Variants in PRH1 observed in about 807,000 individuals in gnomAD.
PRH1 encodes salivary acidic proline-rich phosphoprotein 1/2.
PRH1 carries 7 observed loss-of-function variants against 7.9 expected under a neutral mutation model. That is an observed-to-expected ratio of 0.89 (90% CI 0.50 to 1.67). PRH1 has a LOEUF of 1.67. Among genes scored for constraint, PRH1 ranks in the 40% most tolerant of loss-of-function variants. PRH1 has a pLI of 0.00. For missense variants in PRH1, 109 were observed against 223.6 expected (o/e 0.49, Z 3.27); for synonymous variants, 45 against 80.8 (o/e 0.56, Z 2.38).
intron 1 of PRH1, among the ~76,000 whole-genome samples, chr12:11,112,415 G>C (rs1379004363): frequency 6.6e-6 from 1 of 152,110 alleles, no homozygotes; most frequent in Non-Finnish European, 1.5e-5. Context: ...TAAAATACTG[G>C]CAAGCCAAAT....
chr12:10,884,421 G>T, upstream of PRH1: 1 of 625,064 alleles, frequency 1.6e-6, no homozygotes, highest in Non-Finnish European at 2.9e-6. Flanking sequence ...AGGAAGGGTT[G>T]GGTAGGATAT....
intron 1 of PRH1, among the ~76,000 whole-genome samples, chr12:11,005,276 T>C (rs1940774791): frequency 6.6e-6 from 1 of 152,196 alleles, no homozygotes; most frequent in Non-Finnish European, 1.5e-5. Context: ...GAGTTCTCAT[T>C]TGCTAGCATG....
In PRH1 at chr12:10,922,825, C is replaced by CTTTTTTTTTTTTTTTTTTTTTTTT. The variant is rs139253542; in HGVS notation, c.-58-38551_-58-38550insAAAAAAAAAAAAAAAAAAAAAAAA. Among the ~76,000 whole-genome samples, 2 of 113,550 alleles carry CTTTTTTTTTTTTTTTTTTTTTTTT rather than the reference C, an allele frequency of 1.8e-5. 1 individual carries two copies. Among genetic ancestry groups the CTTTTTTTTTTTTTTTTTTTTTTTT allele is most frequent in the Non-Finnish European group, 3.5e-5 (2 of 57,060 alleles). The allele number at this position is 113,550 out of a possible 152,430, so 74.5% of individuals were successfully genotyped here. On this transcript the variant is annotated intron_variant, in intron 2 of 3. Transcript: ENST00000539853. ...ATTGCATCTTTTCCATGAATTTTTT[C>CTTTTTTTTTTTTTTTTTTTTTTTT]TTTTTCTTTTTTTTGAGACGGAGTC...
intron 1 of PRH1, among the ~76,000 whole-genome samples, chr12:11,071,361 T>C (rs1370941630): frequency 6.6e-6 from 1 of 152,150 alleles, no homozygotes; most frequent in East Asian, 1.9e-4. Context: ...AGGGGTTCAG[T>C]CAGAATGGTA....
intron 1 of PRH1, chr12:11,061,411 C>T (rs777881796): frequency 6.2e-7 from 1 of 1,613,982 alleles, no homozygotes; most frequent in Non-Finnish European, 8.5e-7. Context: ...CCTCACATGC[C>T]ACAAAACTGA....
intron 2 of PRH1, chr12:10,930,359 G>T: frequency 6.3e-7 from 1 of 1,577,534 alleles, no homozygotes; most frequent in Non-Finnish European, 8.7e-7. Flanking sequence ...CTGAAAAATT[G>T]ATCAGTTCTC....
At chr12:11,040,070 G>C (rs1277995399) in intron 1 of PRH1, among the ~76,000 whole-genome samples, 2 of 152,110 alleles carry the variant, frequency 1.3e-5, no homozygotes, top group African/African-American at 2.4e-5. Context: ...AAAATACTCA[G>C]CAATTGTGTA....
intron 1 of PRH1, among the ~76,000 whole-genome samples, chr12:11,038,458 A>G (rs1201122299): frequency 6.6e-6 from 1 of 152,272 alleles, no homozygotes; most frequent in African/African-American, 2.4e-5. Flanking sequence ...ATAAATTACA[A>G]TTATTAAAAA....
At chr12:11,022,562 A>G (rs542872726) in intron 1 of PRH1, 3 of 1,600,192 alleles carry the variant, frequency 1.9e-6, no homozygotes, top group Non-Finnish European at 2.6e-6. Context: ...ATGAGCAGAA[A>G]ACACATCATG....
chr12:11,142,733 T>C (rs1459705494), intron 1 of PRH1, among the ~76,000 whole-genome samples: 1 of 151,966 alleles, frequency 6.6e-6, no homozygotes, highest in African/African-American at 2.4e-5. Flanking sequence ...TAATGTACAA[T>C]GGAGCTCCAC....
intron 1 of PRH1, among the ~76,000 whole-genome samples, chr12:10,992,190 C>A (rs1939966289): frequency 6.6e-6 from 1 of 152,074 alleles, no homozygotes; most frequent in South Asian, 2.1e-4. Flanking sequence ...TGAAGATTCA[C>A]CACAAAAATA....
Position 11,133,169 on chromosome 12 carries a change from TAA to T in PRH1, n.40-11991_40-11990del, listed in dbSNP as rs921764266. 162 of 1,325,368 alleles carry T rather than the reference TAA, an allele frequency of 1.2e-4. No homozygotes were observed. In the African/African-American group the frequency reaches 2.3e-3, roughly 19 times the overall value. 82.1% of individuals were successfully genotyped at this position (1,325,368 alleles called of 1,614,324 possible). ...TCTATATATATGTACTTTTCTAGAC[TAA>T]CTTTAGGTAAAAGACTTTTCTAGGT... is the stretch of plus-strand genomic sequence containing the variant. On this transcript the variant is annotated intron_variant and non_coding_transcript_variant, in intron 1 of 1. Coordinates refer to the PRH1 transcript ENST00000541175.
chr12:11,156,585 A>C (rs1156456816), intron 1 of PRH1, among the ~76,000 whole-genome samples: 1 of 152,220 alleles, frequency 6.6e-6, no homozygotes, highest in East Asian at 1.9e-4. Context: ...CAATTCACTA[A>C]TTCTTTATTC....
intron 1 of PRH1, among the ~76,000 whole-genome samples, chr12:11,027,741 A>C (rs2010481): frequency 6.6e-6 from 1 of 151,954 alleles, no homozygotes; most frequent in African/African-American, 2.4e-5. Context: ...TAGAACATAC[A>C]TAGTGGTCAT....
intron 1 of PRH1, among the ~76,000 whole-genome samples, chr12:10,979,117 G>T (rs575330958): frequency 6.6e-6 from 1 of 152,240 alleles, no homozygotes; most frequent in African/African-American, 2.4e-5. Flanking sequence ...GAGGGCAGGA[G>T]GGGGGTGAGG....
chr12:11,012,828 G>A (rs542236623), intron 1 of PRH1, among the ~76,000 whole-genome samples: 1 of 152,230 alleles, frequency 6.6e-6, no homozygotes, highest in South Asian at 2.1e-4. Context: ...AAAATGCTTG[G>A]ATACAGGCGT....
rs1365601274 is a variant in PRH1, at chr12:11,112,819, G to T, written n.123+58603C>A. Among the ~76,000 whole-genome samples, 2 of 152,100 alleles carry T rather than the reference G, an allele frequency of 1.3e-5. 1 individual carries two copies. The highest frequency in any genetic ancestry group is 4.1e-4 in the South Asian group (2 of 4,826). ...TGGCCAGGACAATCAGGAAGAGAAA[G>T]AAATAAAGGGTATTCAAATAGAAAG... is the stretch of plus-strand genomic sequence containing the variant. On this transcript the variant is annotated intron_variant and non_coding_transcript_variant, in intron 1 of 4. Coordinates refer to the PRH1 transcript ENST00000541977.
chr12:11,171,506 G>GTT, upstream of PRH1: 1 of 1,232,296 alleles, frequency 8.1e-7, no homozygotes, highest in Non-Finnish European at 1.0e-6. Context: ...TGAACTTCCC[G>GTT]TACTTCTACG....
At chr12:10,957,892 A>C (rs1938052390) in intron 2 of PRH1, among the ~76,000 whole-genome samples, 1 of 152,186 alleles carries the variant, frequency 6.6e-6, no homozygotes, top group Non-Finnish European at 1.5e-5. Flanking sequence ...AATAGCTATT[A>C]CTAAAACCCC....
Sources: gnomAD v4.1 joint callset for allele counts (sites outside exome capture counted in the v4.1 genomes callset) on GRCh38, gnomAD v4.1.1 for gene constraint, MANE v1.5 for transcripts, NCBI Gene and HGNC (gene_info 2026-07-23, HGNC 2026-07-21) for gene names.